The following CACNA1E variants were observed in gnomAD, a reference collection of about 807,000 sequenced individuals.
CACNA1E encodes the protein voltage-dependent R-type calcium channel subunit alpha-1E.
In CACNA1E, 40 loss-of-function variants were observed where a neutral mutation model predicts 259.2. That is an observed-to-expected ratio of 0.15 (90% CI 0.12 to 0.20). CACNA1E has a LOEUF of 0.20. Among genes scored for constraint, CACNA1E ranks in the 10% least tolerant of loss-of-function variants. The pLI is 1.00. For missense variants in CACNA1E, 1,874 were observed against 3,040.1 expected, an observed-to-expected ratio of 0.62 and a Z score of 9.02; for synonymous variants, 1,104 against 1,138.5, an observed-to-expected ratio of 0.97 and a Z score of 0.61.
At chr1:181,775,284 G>T (rs1427564364) in intron 37 of CACNA1E, among the ~76,000 whole-genome samples, 1 of 152,168 alleles carries the variant, frequency 6.6e-6, no homozygotes, top group African/African-American at 2.4e-5. Context: ...AAGAACCTGG[G>T]CCAGAAATAC....
At chr1:181,550,339 G>A (rs957661346) in intron 3 of CACNA1E, among the ~76,000 whole-genome samples, 4 of 152,164 alleles carry the variant, frequency 2.6e-5, no homozygotes, top group African/African-American at 9.7e-5. Context: ...TTTGGACTGG[G>A]TGTGGTGCCC....
intron 18 of CACNA1E, among the ~76,000 whole-genome samples, chr1:181,728,257 G>A (rs751690787): frequency 1.3e-5 from 2 of 152,282 alleles, no homozygotes; most frequent in South Asian, 2.1e-4. Flanking sequence ...GGAGAAGTGG[G>A]TTTAGAGAGA....
At chr1:181,577,229 A>G (rs1262460679) in intron 3 of CACNA1E, among the ~76,000 whole-genome samples, 1 of 152,238 alleles carries the variant, frequency 6.6e-6, no homozygotes. Flanking sequence ...TACTGATACT[A>G]TGTGAAGACC....
intron 2 of CACNA1E, among the ~76,000 whole-genome samples, chr1:181,425,423 G>T (rs988470849): frequency 1.2e-4 from 18 of 152,172 alleles, no homozygotes; most frequent in Non-Finnish European, 2.2e-4. Flanking sequence ...GTGAAGACAC[G>T]TGCAGAAAAG....
chr1:181,718,320 G>A (rs1053434981), intron 12 of CACNA1E, among the ~76,000 whole-genome samples, 153 bp downstream of exon 12: 3 of 152,178 alleles, frequency 2.0e-5, no homozygotes, highest in Non-Finnish European at 4.4e-5. Flanking sequence ...TCAGAAGCGA[G>A]TGAATCCTTC....
At chr1:181,340,264 A>G (rs9803794) in intron 1 of CACNA1E, among the ~76,000 whole-genome samples, 59,061 of 151,750 alleles carry the variant, frequency 0.39, 11,814 homozygotes, top group Non-Finnish European at 0.44. Flanking sequence ...AGGTATATGC[A>G]TCTGTTTCAG....
At chr1:181,515,724 G>T (rs1001116843) in intron 3 of CACNA1E, among the ~76,000 whole-genome samples, 3 of 152,190 alleles carry the variant, frequency 2.0e-5, no homozygotes, top group African/African-American at 7.2e-5. Context: ...GGACAGATGA[G>T]ATGGGAGGAT....
At chr1:181,719,952 C>A in intron 13 of CACNA1E, 89 bp downstream of exon 13, 8 of 828,808 alleles carry the variant, frequency 9.7e-6, no homozygotes, top group Non-Finnish European at 1.5e-5. Flanking sequence ...TCTCTTTCCC[C>A]CTTAGGGGGA....
At chr1:181,564,040 TG>T (rs1431626771) in intron 3 of CACNA1E, among the ~76,000 whole-genome samples, 1 of 152,218 alleles carries the variant, frequency 6.6e-6, no homozygotes, top group Non-Finnish European at 1.5e-5. Context: ...GTAATCTTTT[TG>T]CTCCTGGTAG....
chr1:181,558,215 G>A (rs1456298315), intron 3 of CACNA1E, among the ~76,000 whole-genome samples: 1 of 152,224 alleles, frequency 6.6e-6, no homozygotes, highest in Non-Finnish European at 1.5e-5. Flanking sequence ...CTCACTGCAA[G>A]AGTTCATATA....
At chr1:181,389,471 G>T (rs191474130) in intron 1 of CACNA1E, among the ~76,000 whole-genome samples, 1 of 152,172 alleles carries the variant, frequency 6.6e-6, no homozygotes, top group Non-Finnish European at 1.5e-5. Flanking sequence ...ACAAATCAAC[G>T]TTAGTGACTA....
intron 2 of CACNA1E, among the ~76,000 whole-genome samples, chr1:181,427,359 C>T (rs1351096609): frequency 1.2e-4 from 18 of 149,194 alleles, no homozygotes; most frequent in Non-Finnish European, 2.4e-4. Flanking sequence ...ACCGCCATCT[C>T]AACTCCTCCC....
At chr1:181,704,801 G>A (rs1040204827) in intron 7 of CACNA1E, among the ~76,000 whole-genome samples, 14 of 152,254 alleles carry the variant, frequency 9.2e-5, no homozygotes, top group African/African-American at 2.6e-4. Flanking sequence ...GCATGGAGCC[G>A]GGAGGAGAGG....
rs1572195753 is a variant in CACNA1E at position 181,555,535 on chromosome 1, A to G, written c.513-22231A>G. On this transcript the variant is annotated intron_variant, in intron 3 of 47. Coordinates refer to ENST00000367573, the MANE Select transcript of CACNA1E (RefSeq NM_001205293.3). ...GCGATTTCTTCTGATGTTACTGTGG[A>G]AGGGAGGGTTACATAAAGAGAATAA... 4.6e-5 allele frequency among the ~76,000 whole-genome samples: 7 copies of G among 152,292 alleles called. 1 individual carries two copies. The East Asian group carries it at 1.4e-3, about 29-fold the overall frequency.
intron 1 of CACNA1E, among the ~76,000 whole-genome samples, chr1:181,327,659 T>C (rs771420425): frequency 6.6e-6 from 1 of 152,196 alleles, no homozygotes; most frequent in Non-Finnish European, 1.5e-5. Flanking sequence ...GAGCTTTGGC[T>C]AATGGCAAGA....
At chr1:181,434,441 A>G (rs900527134) in intron 2 of CACNA1E, among the ~76,000 whole-genome samples, 1 of 151,872 alleles carries the variant, frequency 6.6e-6, no homozygotes, top group Non-Finnish European at 1.5e-5. Flanking sequence ...AACCAAGACC[A>G]GACAAGTGTC....
chr1:181,375,208 T>C (rs1655015830), intron 1 of CACNA1E, among the ~76,000 whole-genome samples: 1 of 152,198 alleles, frequency 6.6e-6, no homozygotes, highest in African/African-American at 2.4e-5. Context: ...ACACTGAAGT[T>C]GGGGAGACCA....
intron 1 of CACNA1E, among the ~76,000 whole-genome samples, chr1:181,378,396 G>C (rs966740003): frequency 6.6e-6 from 1 of 152,200 alleles, no homozygotes; most frequent in Non-Finnish European, 1.5e-5. Flanking sequence ...TTACTGTCTT[G>C]AGAGAGATTC....
chr1:181,337,059 A>G (rs573483107), intron 1 of CACNA1E, among the ~76,000 whole-genome samples: 7 of 151,048 alleles, frequency 4.6e-5, no homozygotes, highest in African/African-American at 1.7e-4. Context: ...GTTTTGATAT[A>G]CACATACATA....
Sources: allele counts gnomAD v4.1 joint callset (sites outside exome capture counted in the v4.1 genomes callset), GRCh38; gene constraint gnomAD v4.1.1; transcripts MANE v1.5; gene names NCBI Gene and HGNC (gene_info 2026-07-23, HGNC 2026-07-21).